GFPT2: variants seen among roughly 807,000 people sequenced by gnomAD.
GFPT2 encodes the protein glutamine--fructose-6-phosphate aminotransferase [isomerizing] 2.
A neutral mutation model predicts 85.6 loss-of-function variants in GFPT2; 62 were observed. The ratio of observed to expected loss-of-function variants is 0.72; its 90% CI spans 0.59 to 0.90. GFPT2 has a LOEUF of 0.90. GFPT2 is among the 40% of genes least tolerant of loss of function. The probability of loss-of-function intolerance (pLI) is 0.00; values close to 1 mark genes in which losing one functional copy is unlikely to be tolerated. For synonymous variants in GFPT2, 368 were observed against 344.5 expected, an observed-to-expected ratio of 1.07 and a Z score of -0.75; for missense variants, 788 against 893.4, an observed-to-expected ratio of 0.88 and a Z score of 1.50.
Position 180,302,424 on chromosome 5 carries a change from T to C in GFPT2, c.2003A>G (p.Asp668Gly). The C allele has an allele frequency of 6.2e-7, 1 of 1,612,994 alleles. No homozygotes were observed. Among genetic ancestry groups the C allele is most frequent in the South Asian group, 1.1e-5 (1 of 91,044 alleles). Reference protein sequence around the residue: ...SFHLAVLRGYDVDFPRNLAKS... With the variant: ...SFHLAVLRGYGVDFPRNLAKS... Reference sequence around the variant, plus strand: ...GTTAGGTGCAGTTTTTAGACGCACGTCATATCCTCGGAGAACAGCCAGGTG... The same window carrying C: ...GTTAGGTGCAGTTTTTAGACGCACGCCATATCCTCGGAGAACAGCCAGGTG... Residue 668 changes from aspartate (D) to glycine (G), a missense_variant and splice_region_variant, in exon 18 of 19, where the codon GAC becomes GGC. By Grantham distance (94) the Asp-to-Gly change is moderately conservative. Transcript: ENST00000253778.
At position 180,301,386 on chromosome 5, in the gene GFPT2, A is replaced by C. The variant is rs1473735612; in HGVS notation, c.*178T>G. 7.8e-6 allele frequency: 5 copies of C among 639,442 alleles called. No individual in the cohort carries two copies. The highest frequency in any genetic ancestry group is 1.4e-5 in the Non-Finnish European group (5 of 352,430). 39.6% of individuals were successfully genotyped at this position (639,442 alleles called of 1,614,324 possible). On this transcript the variant is annotated 3_prime_UTR_variant, in exon 19 of 19. Coordinates refer to ENST00000253778, the MANE Select transcript of GFPT2 (RefSeq NM_005110.4). ...CCTCTGGCGACTTCAGGACACAGAGAAACAGTATCTGCTGTAAGCAAAAGC... is the reference window on the plus strand; with the variant it reads ...CCTCTGGCGACTTCAGGACACAGAGCAACAGTATCTGCTGTAAGCAAAAGC...
At position 180,353,197 on chromosome 5, in the gene GFPT2, G is replaced by T. The variant is rs1180041712; in HGVS notation, c.7+14C>A. On this transcript the variant is annotated intron_variant, in intron 1 of 18. Coordinates refer to ENST00000253778, the MANE Select transcript of GFPT2 (RefSeq NM_005110.4). Reference sequence around the variant, plus strand: ...CGGCGTGGAGGAGGCGGCTCGGGCGGGCGCGGCACTCACCGCACATCGTGG... The same window carrying T: ...CGGCGTGGAGGAGGCGGCTCGGGCGTGCGCGGCACTCACCGCACATCGTGG... The T allele has an allele frequency of 8.1e-7, 1 of 1,236,290 alleles. No individual in the cohort carries two copies. 76.6% of individuals were successfully genotyped at this position (1,236,290 alleles called of 1,614,324 possible).
intron 4 of GFPT2, among the ~76,000 whole-genome samples, chr5:180,334,499 A>G (rs778620101): frequency 1.1e-4 from 16 of 152,320 alleles, no homozygotes; most frequent in Admixed American, 2.6e-4. Context: ...TGACTTCCAC[A>G]AGGATTAACC....
Position 180,318,719 on chromosome 5 carries a change from G to T in GFPT2, c.958+74C>A. ...AGGGCTGTGGCCTCTACTAGGACCA[G>T]GCAGAGTGTCAGGAGCTCCACCAGG... On this transcript the variant is annotated intron_variant, in intron 10 of 18. Transcript: ENST00000253778. The surrounding 1 kb of genome is among the most constrained non-coding windows in gnomAD (Gnocchi z 4.2). 7.9e-7 allele frequency: 1 copy of T among 1,266,930 alleles called. No homozygotes were observed. The highest frequency in any genetic ancestry group is 1.1e-6 in the Non-Finnish European group (1 of 900,186). The allele number at this position is 1,266,930 out of a possible 1,614,324, so 78.5% of individuals were successfully genotyped here.
chr5:180,342,407 G>GTTTTTT (rs757456841), intron 1 of GFPT2, among the ~76,000 whole-genome samples: 11 of 109,320 alleles, frequency 1.0e-4, no homozygotes, highest in African/African-American at 2.5e-4. Context: ...TAGGTGAAAT[G>GTTTTTT]TTTTTTTTTT....
At chr5:180,324,579 T>G in intron 8 of GFPT2, 1 of 589,480 alleles carries the variant, frequency 1.7e-6, no homozygotes, top group African/African-American at 1.9e-5. Flanking sequence ...GGCACTTTTG[T>G]GTATGTTTGA....
chr5:180,343,462 G>A (rs1233014078), intron 1 of GFPT2, among the ~76,000 whole-genome samples: 1 of 152,234 alleles, frequency 6.6e-6, no homozygotes, highest in Admixed American at 6.5e-5. Flanking sequence ...AGTGAGAAAA[G>A]CTGCCAAGGA....
In GFPT2 at chr5:180,328,402, G is replaced by A. The variant is rs939478309; in HGVS notation, c.535-64C>T. 2 of 1,294,270 alleles carry A rather than the reference G, an allele frequency of 1.5e-6. No individual in the cohort carries two copies. Among genetic ancestry groups the A allele is most frequent in the African/African-American group, 1.5e-5 (1 of 68,878 alleles). 80.2% of individuals were successfully genotyped at this position (1,294,270 alleles called of 1,614,324 possible). ...CAGCCGCTGCTGCAGCCTGGCCACA[G>A]CCCAGGTGCGTCTCCCTGGGCCCCT... On this transcript the variant is annotated intron_variant, in intron 6 of 18. Coordinates refer to ENST00000253778, the MANE Select transcript of GFPT2 (RefSeq NM_005110.4). This position sits in a 1 kb window ranked among gnomAD's most constrained non-coding sequence, Gnocchi z 5.4.
At chr5:180,350,794 C>T (rs1265452621) in intron 1 of GFPT2, among the ~76,000 whole-genome samples, 1 of 152,236 alleles carries the variant, frequency 6.6e-6, no homozygotes, top group African/African-American at 2.4e-5. Flanking sequence ...TGTAGAGGAT[C>T]AACTACTGCC....
At chr5:180,303,759 C>T (rs1250366104) in intron 17 of GFPT2, among the ~76,000 whole-genome samples, 2 of 152,194 alleles carry the variant, frequency 1.3e-5, no homozygotes, top group Non-Finnish European at 2.9e-5. Flanking sequence ...TGGCCGGTTC[C>T]AGGAAGGGAG....
At chr5:180,322,149 A>C (rs1764133914) in intron 9 of GFPT2, among the ~76,000 whole-genome samples, 1 of 152,186 alleles carries the variant, frequency 6.6e-6, no homozygotes, top group Non-Finnish European at 1.5e-5. Context: ...ATATTTTTTA[A>C]AAATAACTTG....
chr5:180,301,338 T>C lies in GFPT2; in HGVS notation c.*226A>G. On this transcript the variant is annotated 3_prime_UTR_variant, in exon 19 of 19. Coordinates refer to ENST00000253778, the MANE Select transcript of GFPT2 (RefSeq NM_005110.4). ...GTGGAGAAGTCTGCTCTGATCCCCA[T>C]GTGTAAACAATGATTCCCTTCTCCT... 1.7e-6 allele frequency: 1 copy of C among 595,828 alleles called. No individual in the cohort carries two copies. The highest frequency in any genetic ancestry group is 3.0e-6 in the Non-Finnish European group (1 of 334,260). The allele number at this position is 595,828 out of a possible 1,614,324, so 36.9% of individuals were successfully genotyped here. A position where few individuals can be genotyped will look rare whatever the true frequency, so the allele number is the denominator to read the frequency against.
intron 1 of GFPT2, among the ~76,000 whole-genome samples, chr5:180,340,270 G>A (rs1200256551): frequency 3.3e-5 from 5 of 150,708 alleles, no homozygotes; most frequent in East Asian, 2.0e-4. Context: ...GCAATGGCAC[G>A]ATCTTGGCTC....
chr5:180,337,758 C>T (rs952814933), intron 2 of GFPT2, among the ~76,000 whole-genome samples: 7 of 152,106 alleles, frequency 4.6e-5, no homozygotes, highest in Admixed American at 4.6e-4. Context: ...ATGAAACCAC[C>T]ACTGCCGTCT....
rs199775969 is a variant in GFPT2, at chr5:180,318,726, T to C, written c.958+67A>G. 3 of 1,326,618 alleles carry C rather than the reference T, an allele frequency of 2.3e-6. No homozygotes were observed. The highest frequency in any genetic ancestry group is 2.4e-5 in the East Asian group (1 of 41,442). The allele number at this position is 1,326,618 out of a possible 1,614,324, so 82.2% of individuals were successfully genotyped here. A position where few individuals can be genotyped will look rare whatever the true frequency, so the allele number is the denominator to read the frequency against. ...TGGCCTCTACTAGGACCAGGCAGAG[T>C]GTCAGGAGCTCCACCAGGCGCGCTG... On this transcript the variant is annotated intron_variant, in intron 10 of 18. Transcript: ENST00000253778. This position sits in a 1 kb window ranked among gnomAD's most constrained non-coding sequence, Gnocchi z 4.2.
intron 4 of GFPT2, 183 bp from the exon 5 acceptor site, chr5:180,331,736 T>C: frequency 1.6e-6 from 1 of 631,618 alleles, no homozygotes; most frequent in South Asian, 1.6e-5. Context: ...GAACCAGGGA[T>C]TAGCACCAGG....
chr5:180,324,881 AG>A lies in GFPT2; in HGVS notation c.610del (p.Leu204CysfsTer28). 1 of 1,610,456 alleles carries A rather than the reference AG, an allele frequency of 6.2e-7. No individual in the cohort carries two copies. Among genetic ancestry groups the A allele is most frequent in the Non-Finnish European group, 8.5e-7 (1 of 1,176,678 alleles). ...GTATTTGCTCCGGACTCCGATGAGC[AG>A]GGGGCTGCCTCTCCTGTAGGGAGAA... is the stretch of plus-strand genomic sequence containing the variant. ...EAVATRRGSPLLIGVRSKYKL... is the reference protein window; with the variant it reads ...EAVATRRGSPXLIGVRSKYKL... On this transcript the variant is annotated frameshift_variant, in exon 8 of 19. Coordinates refer to ENST00000253778, the MANE Select transcript of GFPT2 (RefSeq NM_005110.4). LOFTEE classifies it high-confidence loss of function.
intron 1 of GFPT2, among the ~76,000 whole-genome samples, chr5:180,348,515 C>A (rs1262248187): frequency 6.6e-6 from 1 of 152,250 alleles, no homozygotes; most frequent in Non-Finnish European, 1.5e-5. Flanking sequence ...CCACGCCAGG[C>A]TCTTACAGAA....
chr5:180,327,499 CCT>C (rs1764230681), intron 7 of GFPT2, among the ~76,000 whole-genome samples: 1 of 152,204 alleles, frequency 6.6e-6, no homozygotes, highest in Admixed American at 6.5e-5. Flanking sequence ...CCATTGCCCC[CCT>C]GCCAGGTAAG....
Sources: allele counts gnomAD v4.1 joint callset (sites outside exome capture counted in the v4.1 genomes callset), GRCh38; gene constraint gnomAD v4.1.1; non-coding constraint Gnocchi (gnomAD v3.1); transcripts MANE v1.5; gene names NCBI Gene and HGNC (gene_info 2026-07-23, HGNC 2026-07-21).